Variants in DFFB observed in about 807,000 individuals in gnomAD.
DFFB encodes the protein DNA fragmentation factor subunit beta, also known as DNA fragmentation factor 40 kDa subunit.
Under a neutral mutation model 32.7 loss-of-function variants are expected in DFFB, and 29 were observed. The observed-to-expected ratio is 0.89, with a 90% confidence interval of 0.66 to 1.21. The LOEUF is 1.21. Among genes scored for constraint, DFFB ranks in the 50% most tolerant of loss-of-function variants. The pLI is 0.00. For missense variants in DFFB, 398 were observed against 440.6 expected (o/e 0.90, Z 0.87); for synonymous variants, 170 against 177.1 (o/e 0.96, Z 0.32).
Position 3,858,840 on chromosome 1 carries a change from G to T in DFFB, c.237G>T (p.Gln79His). The T allele has an allele frequency of 6.2e-7, 1 of 1,613,704 alleles. No homozygotes were observed. The change falls in exon 2 of 7, where the codon CAG becomes CAT. Residue 79 changes from glutamine (Q) to histidine (H), a missense_variant. By Grantham distance (24) the Gln-to-His change is conservative (BLOSUM62 0). Transcript: ENST00000378209. Reference sequence around the variant, plus strand: ...TGCTCACCTTGGGCCAGGCCTGGCAGGGCTGTGAGTGGCAAGGACTTTGGA... The same window carrying T: ...TGCTCACCTTGGGCCAGGCCTGGCATGGCTGTGAGTGGCAAGGACTTTGGA... Reference protein sequence around the residue: ...LVLLTLGQAWQGYVSDIRRFL... With the variant: ...LVLLTLGQAWHGYVSDIRRFL...
chr1:3,858,672 C>A (rs370380322), intron 1 of DFFB, 46 bp from the exon 2 acceptor site: 9 of 1,599,168 alleles, frequency 5.6e-6, no homozygotes, highest in Non-Finnish European at 6.0e-6. Context: ...GCAAAGCCCT[C>A]GTCTTGAGAC....
In DFFB at chr1:3,884,923, A is replaced by G. The variant is rs1638329480; in HGVS notation, c.*1182A>G. 1 of 152,234 alleles carries G rather than the reference A, an allele frequency of 6.6e-6. No individual in the cohort carries two copies. Among genetic ancestry groups the G allele is most frequent in the Non-Finnish European group, 1.5e-5 (1 of 68,042 alleles). The allele number at this position is 152,234 out of a possible 1,614,324, so 9.4% of individuals were successfully genotyped here. On this transcript the variant is annotated 3_prime_UTR_variant, in exon 7 of 7. Coordinates refer to ENST00000378209, the MANE Select transcript of DFFB (RefSeq NM_004402.4). ...TAGGAAACCCCCCAATGTCTGTTGA[A>G]CAGCTATCACGTTGAACCACGTGAA...
chr1:3,861,547 G>A (rs972888488), intron 2 of DFFB, among the ~76,000 whole-genome samples: 1 of 151,968 alleles, frequency 6.6e-6, no homozygotes, highest in African/African-American at 2.4e-5. Context: ...TCCTACCTCC[G>A]CCCCTGAGTA....
intron 6 of DFFB, among the ~76,000 whole-genome samples, chr1:3,878,621 C>T (rs899295049): frequency 2.0e-5 from 3 of 152,208 alleles, no homozygotes; most frequent in Non-Finnish European, 4.4e-5. Context: ...ATCACCCCAC[C>T]CTTTTGTGGT....
Position 3,885,208 on chromosome 1 carries a change from C to G in DFFB, c.*1467C>G, listed in dbSNP as rs775757225. On this transcript the variant is annotated 3_prime_UTR_variant, in exon 7 of 7. Transcript: ENST00000378209. ...CAGAGACGGTCTGGAAGGAAACACG[C>G]GGATCTGAACAGCAGTAATCCTGGG... 6.6e-6 allele frequency: 1 copy of G among 152,054 alleles called. No homozygotes were observed. Among genetic ancestry groups the G allele is most frequent in the African/African-American group, 2.4e-5 (1 of 41,384 alleles). 9.4% of individuals were successfully genotyped at this position (152,054 alleles called of 1,614,324 possible).
Position 3,868,678 on chromosome 1 carries a change from C to CACCACACCAG in DFFB, c.510+625_510+626insACCACACCAG, listed in dbSNP as rs1557716277. ...CACCAGGCCACACCACACCACACCA[C>CACCACACCAG]GCCACACCACACCAGGCCACACCAC... On this transcript the variant is annotated intron_variant, in intron 4 of 6. Coordinates refer to ENST00000378209, the MANE Select transcript of DFFB (RefSeq NM_004402.4). 2.9e-3 allele frequency among the ~76,000 whole-genome samples: 34 copies of CACCACACCAG among 11,654 alleles called. 4 individuals carry two copies. Among genetic ancestry groups the CACCACACCAG allele is most frequent in the South Asian group, 0.011 (4 of 350 alleles). 7.6% of individuals were successfully genotyped at this position (11,654 alleles called of 152,430 possible).
At chr1:3,861,153 C>CAAAA (rs56961503) in intron 2 of DFFB, among the ~76,000 whole-genome samples, 22 of 122,938 alleles carry the variant, frequency 1.8e-4, no homozygotes, top group Non-Finnish European at 2.5e-4. Flanking sequence ...GACTCCATCT[C>CAAAA]AAAAAAAAAA....
chr1:3,879,108 GT>G (rs1378543857), intron 6 of DFFB, among the ~76,000 whole-genome samples: 1 of 152,216 alleles, frequency 6.6e-6, no homozygotes, highest in Admixed American at 6.5e-5. Flanking sequence ...TTTAATGGTA[GT>G]TTTAGATTTT....
At chr1:3,876,704 G>T (rs1215688135) in intron 6 of DFFB, among the ~76,000 whole-genome samples, 1 of 152,272 alleles carries the variant, frequency 6.6e-6, no homozygotes, top group African/African-American at 2.4e-5. Flanking sequence ...GTCTTCCCCA[G>T]TTCCGGGATG....
intron 2 of DFFB, among the ~76,000 whole-genome samples, chr1:3,859,785 C>G (rs1644843859): frequency 6.6e-6 from 1 of 152,196 alleles, no homozygotes; most frequent in Non-Finnish European, 1.5e-5. Flanking sequence ...TGTGATGCCC[C>G]CTGGGGTGGC....
chr1:3,866,010 G>T lies in DFFB; in HGVS notation c.430+10G>T. The T allele has an allele frequency of 6.5e-7, 1 of 1,536,980 alleles. No individual in the cohort carries two copies. The highest frequency in any genetic ancestry group is 1.3e-5 in the South Asian group (1 of 78,336). The stretch of plus-strand genomic sequence containing the variant: ...CCGCCGTGGTTTGAAGGTGCGTGGG[G>T]GCTGCAGCTGGCAGGGGAGAGGCTT... On this transcript the variant is annotated intron_variant, in intron 3 of 6. Coordinates refer to ENST00000378209, the MANE Select transcript of DFFB (RefSeq NM_004402.4).
At chr1:3,882,198 G>A (rs1044375318) in intron 6 of DFFB, among the ~76,000 whole-genome samples, 4 of 151,378 alleles carry the variant, frequency 2.6e-5, no homozygotes, top group Admixed American at 6.6e-5. Flanking sequence ...GATTACAGGC[G>A]TGCGCCACTA....
chr1:3,880,632 G>A (rs1021648684), intron 6 of DFFB, among the ~76,000 whole-genome samples: 10 of 152,192 alleles, frequency 6.6e-5, no homozygotes, highest in Non-Finnish European at 1.5e-5. Context: ...TCAGTGGGAA[G>A]TGCTTCCCGT....
chr1:3,866,246 A>G (rs1258185755), intron 3 of DFFB: 1 of 607,768 alleles, frequency 1.6e-6, no homozygotes, highest in Non-Finnish European at 3.1e-6. Flanking sequence ...ATATTTTTAT[A>G]GATATGTTTT....
intron 6 of DFFB, among the ~76,000 whole-genome samples, chr1:3,874,356 C>T (rs552180608): frequency 2.4e-5 from 1 of 42,178 alleles, no homozygotes; most frequent in African/African-American, 1.0e-4. Context: ...TCTGCAGAGC[C>T]GTGTAGCTGC....
chr1:3,867,485 G>C (rs933768903), intron 3 of DFFB, among the ~76,000 whole-genome samples: 3 of 152,250 alleles, frequency 2.0e-5, no homozygotes, highest in Non-Finnish European at 4.4e-5. Flanking sequence ...GCTCCTTGGT[G>C]GTATTTGAGA....
intron 5 of DFFB, among the ~76,000 whole-genome samples, chr1:3,871,630 A>G (rs111904369): frequency 0.012 from 1,896 of 152,322 alleles, 34 homozygotes; most frequent in African/African-American, 0.043. Context: ...TATACCCTGG[A>G]GCAGGGACCA....
chr1:3,872,427 A>AAG, intron 5 of DFFB, 45 bp from the exon 6 acceptor site: 1 of 1,431,856 alleles, frequency 7.0e-7, no homozygotes, highest in Non-Finnish European at 9.7e-7. Flanking sequence ...AAAAAAAAAA[A>AAG]GAGACTCACT....
At chr1:3,869,572 A>T in intron 4 of DFFB, 33 bp from the exon 5 acceptor site, 1 of 1,590,898 alleles carries the variant, frequency 6.3e-7, no homozygotes, top group Middle Eastern at 2.1e-4. Context: ...GGCGCTGTGC[A>T]CCAGGCTCAC....
Sources: allele counts gnomAD v4.1 joint callset (sites outside exome capture counted in the v4.1 genomes callset), GRCh38; gene constraint gnomAD v4.1.1; transcripts MANE v1.5; gene names NCBI Gene and HGNC (gene_info 2026-07-23, HGNC 2026-07-21).